LINGO2: variants seen among roughly 807,000 people sequenced by gnomAD.
The protein encoded by LINGO2 is leucine rich repeat and Ig domain containing 2, also known as leucine-rich repeat and immunoglobulin-like domain-containing nogo receptor-interacting protein 2.
In LINGO2, 14 loss-of-function variants were observed where a neutral mutation model predicts 30.6. That is an observed-to-expected ratio of 0.46 (90% confidence interval 0.30 to 0.72). LINGO2 has a LOEUF of 0.72. LINGO2 is among the 30% of genes least tolerant of loss of function. The pLI, the probability that LINGO2 is intolerant of heterozygous loss-of-function variation, is 0.07. For missense variants in LINGO2, 729 were observed against 751.7 expected (o/e 0.97, Z 0.35); for synonymous variants, 317 against 288.5 (o/e 1.10, Z -1.00).
chr9:28,433,966 T>TATATATATATATATATATATATACAC (rs752778212), intron 2 of LINGO2, among the ~76,000 whole-genome samples: 5 of 100,054 alleles, frequency 5.0e-5, no homozygotes, highest in Non-Finnish European at 1.2e-4. Context: ...TATATATATA[T>TATATATATATATATATATATATACAC]ACACACACAC....
intron 4 of LINGO2, among the ~76,000 whole-genome samples, chr9:28,037,669 GC>G (rs1232066897): frequency 6.6e-6 from 1 of 152,216 alleles, no homozygotes; most frequent in African/African-American, 2.4e-5. Flanking sequence ...TTCATAGCTG[GC>G]ATACAGCCAG....
At chr9:28,030,283 T>C (rs10968290) in intron 4 of LINGO2, among the ~76,000 whole-genome samples, 1 of 152,188 alleles carries the variant, frequency 6.6e-6, no homozygotes, top group South Asian at 2.1e-4. Context: ...GATTCTGAGA[T>C]AGCAAAGTAT....
the LINGO2 span, among the ~76,000 whole-genome samples, chr9:29,195,375 G>T: frequency 6.6e-6 from 1 of 151,884 alleles, no homozygotes; most frequent in East Asian, 1.9e-4. Context: ...GTGTGTGTGT[G>T]GGTGTGTGTT....
chr9:28,537,203 A>C (rs1425258197), intron 1 of LINGO2, among the ~76,000 whole-genome samples: 4 of 152,110 alleles, frequency 2.6e-5, no homozygotes, highest in Admixed American at 6.6e-5. Flanking sequence ...AACCAACTTG[A>C]CCAACAATGT....
At chr9:28,665,083 A>G (rs1828746882) in intron 1 of LINGO2, among the ~76,000 whole-genome samples, 2 of 147,602 alleles carry the variant, frequency 1.4e-5, no homozygotes, top group Non-Finnish European at 3.0e-5. Flanking sequence ...TTTAGCAAAT[A>G]AATACATTCA....
intron 4 of LINGO2, among the ~76,000 whole-genome samples, chr9:28,075,747 GT>G (rs956041224): frequency 1.4e-4 from 21 of 151,532 alleles, no homozygotes; most frequent in African/African-American, 5.1e-4. Context: ...TTTCTTTCAG[GT>G]TGCTTGTCTT....
chr9:28,079,598 T>C (rs1825718660), intron 4 of LINGO2, among the ~76,000 whole-genome samples: 1 of 152,172 alleles, frequency 6.6e-6, no homozygotes, highest in Non-Finnish European at 1.5e-5. Flanking sequence ...ACTTAATACT[T>C]CTTGTTTATA....
chr9:28,816,760 A>G, the LINGO2 span, among the ~76,000 whole-genome samples: 1 of 152,206 alleles, frequency 6.6e-6, no homozygotes, highest in Admixed American at 6.5e-5. Context: ...AATGAACTAG[A>G]TATCTGCTTT....
At chr9:28,234,915 A>C (rs183317310) in intron 4 of LINGO2, among the ~76,000 whole-genome samples, 16 of 152,346 alleles carry the variant, frequency 1.1e-4, no homozygotes, top group African/African-American at 3.8e-4. Context: ...TGACTAGTAC[A>C]TGTGGTCTGA....
intron 1 of LINGO2, among the ~76,000 whole-genome samples, chr9:28,631,950 A>C (rs1486581661): frequency 6.6e-6 from 1 of 152,192 alleles, no homozygotes; most frequent in East Asian, 1.9e-4. Context: ...AACTGATAAT[A>C]AGACAGAGTC....
At chr9:28,373,571 A>G (rs1820987984) in intron 2 of LINGO2, among the ~76,000 whole-genome samples, 3 of 152,298 alleles carry the variant, frequency 2.0e-5, no homozygotes, top group East Asian at 3.9e-4. Context: ...AGGTAAGAGA[A>G]AAAAACTAAC....
chr9:28,249,967 A>C (rs1468523450), intron 4 of LINGO2, among the ~76,000 whole-genome samples: 1 of 152,182 alleles, frequency 6.6e-6, no homozygotes, highest in African/African-American at 2.4e-5. Context: ...TAGAAGGGGC[A>C]GCGTTTGGGT....
intron 1 of LINGO2, among the ~76,000 whole-genome samples, chr9:28,506,487 T>TATATATATATATAGATAG (rs1554729610): frequency 2.5e-5 from 1 of 40,416 alleles, no homozygotes; most frequent in African/African-American, 6.8e-5. Context: ...CACATACACA[T>TATATATATATATAGATAG]ACACACACAC....
chr9:28,648,242 A>G (rs534343307), intron 1 of LINGO2, among the ~76,000 whole-genome samples: 1 of 152,092 alleles, frequency 6.6e-6, no homozygotes, highest in Non-Finnish European at 1.5e-5. Context: ...AATCCATTCA[A>G]CTCAGAATTA....
At chr9:28,289,201 CAG>C (rs1823630154) in intron 4 of LINGO2, among the ~76,000 whole-genome samples, 1 of 152,238 alleles carries the variant, frequency 6.6e-6, no homozygotes, top group African/African-American at 2.4e-5. Flanking sequence ...ATTCATACAA[CAG>C]AGAACAAAAA....
intron 2 of LINGO2, among the ~76,000 whole-genome samples, chr9:28,470,764 G>A (rs961936608): frequency 2.0e-5 from 3 of 151,786 alleles, no homozygotes; most frequent in Admixed American, 2.0e-4. Flanking sequence ...TTAGCTAATG[G>A]AAAAGTCAAA....
At chr9:29,170,317 A>G in the LINGO2 span, among the ~76,000 whole-genome samples, 1 of 152,222 alleles carries the variant, frequency 6.6e-6, no homozygotes. Flanking sequence ...ATGGAACCAG[A>G]GGCCATTATC....
chr9:28,956,575 C>A, the LINGO2 span, among the ~76,000 whole-genome samples: 1 of 40,892 alleles, frequency 2.4e-5, no homozygotes, highest in African/African-American at 5.6e-5. Flanking sequence ...TTCCTTCCTC[C>A]ATCCCTCCCT....
intron 4 of LINGO2, among the ~76,000 whole-genome samples, chr9:28,198,376 G>A (rs1438838285): frequency 1.3e-5 from 2 of 151,976 alleles, no homozygotes; most frequent in African/African-American, 2.4e-5. Context: ...GATACTCTCT[G>A]GATAAATATA....
Sources: gnomAD v4.1 joint callset for allele counts (sites outside exome capture counted in the v4.1 genomes callset) on GRCh38, gnomAD v4.1.1 for gene constraint, MANE v1.5 for transcripts, NCBI Gene and HGNC (gene_info 2026-07-23, HGNC 2026-07-21) for gene names.